The following FRYL variants were observed in gnomAD, a reference collection of about 807,000 sequenced individuals.
FRYL encodes FRY like transcription coactivator.
A neutral mutation model predicts 351.2 loss-of-function variants in FRYL; 150 were observed. That is an observed-to-expected ratio of 0.43 (90% CI 0.37 to 0.49). The LOEUF (loss-of-function observed/expected upper bound fraction) is 0.49, where lower values mean the gene tolerates loss of function less well. FRYL is among the 20% of genes least tolerant of loss of function. FRYL has a pLI of 0.00. For missense variants in FRYL, 3,036 were observed against 3,619.3 expected (o/e 0.84, Z 4.13); for synonymous variants, 1,153 against 1,257.1 (o/e 0.92, Z 1.75).
intron 19 of FRYL, among the ~76,000 whole-genome samples, chr4:48,586,399 G>GC (rs1742117168): frequency 1.3e-5 from 2 of 152,000 alleles, no homozygotes; most frequent in Non-Finnish European, 2.9e-5. Context: ...GATAGGATTT[G>GC]TGGGGGGAAT....
chr4:48,553,346 G>C lies in FRYL; in HGVS notation c.4304C>G (p.Thr1435Arg). 6.2e-7 allele frequency: 1 copy of C among 1,612,828 alleles called. No individual in the cohort carries two copies. Among genetic ancestry groups the C allele is most frequent in the Non-Finnish European group, 8.5e-7 (1 of 1,179,412 alleles). The change falls in exon 36 of 64, where the codon ACA (threonine) becomes AGA (arginine). Residue 1435 changes from threonine to arginine, a missense_variant. Physicochemically the swap from Thr to Arg is moderately conservative, Grantham distance 71. This residue lies in a region of FRYL where 1,987 missense variants were observed against 2,311.7 expected (regional missense o/e 0.86). Transcript: ENST00000358350. ...KVIVYLGRDK[T>R]MQLLEELVSE... ...CACCAGCTCTTCTAGCAACTGCATT[G>C]TTTTATCTCTACCTAAATATACAAT...
rs776225535 is a variant in FRYL, at chr4:48,535,803, T to A, written c.6418A>T (p.Thr2140Ser). The change falls in exon 48 of 64, where the codon ACA becomes TCA. Residue 2140 changes from threonine to serine, a missense_variant. By Grantham distance (58) the Thr-to-Ser change is moderately conservative (BLOSUM62 1). Coordinates refer to ENST00000358350, the MANE Select transcript of FRYL (RefSeq NM_015030.2). ...AKVCAEEKCP[T>S]LVNLAHMMSL... is the part of the protein sequence containing the mutation. ...ATCATGTGTGCCAGATTGACAAGTGTTGGGCATTTTTCTTCTGCACAAACC... is the reference window on the plus strand; with the variant it reads ...ATCATGTGTGCCAGATTGACAAGTGATGGGCATTTTTCTTCTGCACAAACC... 1 of 1,548,432 alleles carries A rather than the reference T, an allele frequency of 6.5e-7. No individual in the cohort carries two copies. The highest frequency in any genetic ancestry group is 1.3e-5 in the South Asian group (1 of 78,754).
chr4:48,518,390 C>T (rs565133963), intron 55 of FRYL, among the ~76,000 whole-genome samples: 82 of 152,314 alleles, frequency 5.4e-4, no homozygotes, highest in Admixed American at 1.1e-3. Flanking sequence ...CTCCAATCTA[C>T]CCTCAAAGCC....
chr4:48,589,659 C>T (rs548379162), intron 18 of FRYL, 86 bp downstream of exon 18: 135 of 1,279,800 alleles, frequency 1.1e-4, no homozygotes, highest in Non-Finnish European at 1.5e-4. Flanking sequence ...CTCCAAAGAC[C>T]AAGTAAGGAG....
intron 3 of FRYL, among the ~76,000 whole-genome samples, chr4:48,636,219 A>G (rs1431611535): frequency 2.6e-5 from 4 of 152,108 alleles, no homozygotes; most frequent in African/African-American, 9.7e-5. Context: ...GTGTATTATC[A>G]AAGAGGGAAT....
chr4:48,575,075 T>C, intron 25 of FRYL, 42 bp downstream of exon 25: 1 of 1,605,802 alleles, frequency 6.2e-7, no homozygotes. Context: ...AGTAGCACAT[T>C]TATTCTTTTA....
intron 44 of FRYL, 34 bp from the exon 45 acceptor site, chr4:48,542,155 G>A: frequency 6.9e-7 from 1 of 1,455,596 alleles, no homozygotes; most frequent in Non-Finnish European, 9.6e-7. Context: ...AATTAATTAT[G>A]CTCTGGAATA....
chr4:48,524,328 T>C (rs534968676), intron 53 of FRYL, among the ~76,000 whole-genome samples: 5 of 152,296 alleles, frequency 3.3e-5, no homozygotes, highest in Non-Finnish European at 5.9e-5. Context: ...TCCCGGCTGT[T>C]TCTGAAGATA....
At chr4:48,601,921 C>T in intron 13 of FRYL, 99 bp downstream of exon 13, 2 of 633,268 alleles carry the variant, frequency 3.2e-6, no homozygotes. Context: ...TCAAGTATAC[C>T]AATAGTAACA....
chr4:48,574,279 G>T (rs1739045895), intron 25 of FRYL, among the ~76,000 whole-genome samples: 1 of 152,032 alleles, frequency 6.6e-6, no homozygotes, highest in African/African-American at 2.4e-5. Context: ...CTAATTATGA[G>T]AATTTAATTA....
chr4:48,524,348 C>T (rs1402312141), intron 53 of FRYL, among the ~76,000 whole-genome samples: 1 of 152,064 alleles, frequency 6.6e-6, no homozygotes, highest in Admixed American at 6.6e-5. Flanking sequence ...ATCTTGGAAG[C>T]CCTAGGGCCC....
intron 1 of FRYL, among the ~76,000 whole-genome samples, chr4:48,721,731 C>T (rs1260595494): frequency 6.6e-6 from 1 of 152,084 alleles, no homozygotes. Context: ...CTTCTGCCTC[C>T]CTGGTTCAAG....
At chr4:48,575,028 C>T in intron 25 of FRYL, 89 bp downstream of exon 25, 1 of 1,307,754 alleles carries the variant, frequency 7.6e-7, no homozygotes, top group Non-Finnish European at 1.1e-6. Context: ...TCTGCTTGAC[C>T]CTACCACACC....
intron 2 of FRYL, among the ~76,000 whole-genome samples, chr4:48,690,484 C>A (rs1336640290): frequency 4.6e-5 from 7 of 152,094 alleles, no homozygotes; most frequent in Non-Finnish European, 1.5e-5. Flanking sequence ...CTCCCTACCA[C>A]CCAAACCTAT....
chr4:48,667,435 C>CT (rs536377267), intron 3 of FRYL, among the ~76,000 whole-genome samples: 208 of 143,436 alleles, frequency 1.5e-3, no homozygotes, highest in Admixed American at 1.8e-3. Flanking sequence ...CACCCCCTCG[C>CT]TTTTTTTTTT....
intron 3 of FRYL, among the ~76,000 whole-genome samples, chr4:48,660,475 C>CT (rs1760470144): frequency 6.6e-6 from 1 of 152,160 alleles, no homozygotes; most frequent in Non-Finnish European, 1.5e-5. Flanking sequence ...CAAACACCTG[C>CT]TTTCCTCCTG....
At chr4:48,653,909 C>G in intron 3 of FRYL, 1 of 1,247,792 alleles carries the variant, frequency 8.0e-7, no homozygotes, top group Non-Finnish European at 1.0e-6. Context: ...TCACAGGCAG[C>G]AGAGTTTTGG....
rs139953445 is a variant in FRYL at position 48,667,177 on chromosome 4, T to A, written c.-81+17496A>T. On this transcript the variant is annotated intron_variant, in intron 3 of 63. Transcript: ENST00000358350. Reference sequence around the variant, plus strand: ...ACAAAGTATGTATTCTACCCCCATATGTAGCAGGATGGGGTGGGAGAGATG... The same window carrying A: ...ACAAAGTATGTATTCTACCCCCATAAGTAGCAGGATGGGGTGGGAGAGATG... 5.3e-5 allele frequency among the ~76,000 whole-genome samples: 8 copies of A among 152,274 alleles called. No individual in the cohort carries two copies. In the East Asian group the frequency reaches 1.5e-3, roughly 29 times the overall value.
intron 48 of FRYL, among the ~76,000 whole-genome samples, 177 bp downstream of exon 48, chr4:48,535,480 A>G (rs1728666049): frequency 6.6e-6 from 1 of 152,036 alleles, no homozygotes; most frequent in African/African-American, 2.4e-5. Context: ...GTTGACTGTC[A>G]GACAATTTGA....
Sources: gnomAD v4.1 joint callset for allele counts (sites outside exome capture counted in the v4.1 genomes callset) on GRCh38, gnomAD v4.1.1 for gene constraint, gnomAD v4.1.1 regional missense constraint, MANE v1.5 for transcripts, NCBI Gene and HGNC (gene_info 2026-07-23, HGNC 2026-07-21) for gene names.